The following GPCPD1 variants were observed in gnomAD, a reference collection of about 807,000 sequenced individuals.
GPCPD1 encodes glycerophosphocholine phosphodiesterase 1, also known as glycerophosphocholine phosphodiesterase GPCPD1.
Under a neutral mutation model 89.2 loss-of-function variants are expected in GPCPD1, and 29 were observed. The ratio of observed to expected loss-of-function variants is 0.33; its 90% confidence interval spans 0.24 to 0.44. GPCPD1 has a LOEUF of 0.44. Among genes scored for constraint, GPCPD1 ranks in the 20% least tolerant of loss-of-function variants. The probability of loss-of-function intolerance (pLI) is 1.00; values close to 1 mark genes in which losing one functional copy is unlikely to be tolerated. For missense variants in GPCPD1, 594 were observed against 808.9 expected (o/e 0.73, Z 3.22); for synonymous variants, 258 against 266.3 (o/e 0.97, Z 0.30).
intron 12 of GPCPD1, among the ~76,000 whole-genome samples, chr20:5,568,468 C>G (rs980650047): frequency 4.0e-5 from 6 of 151,750 alleles, no homozygotes; most frequent in Non-Finnish European, 7.4e-5. Context: ...AAGAAAAACA[C>G]CAGCTTAAAA....
Position 5,573,826 on chromosome 20 carries a change from T to G in GPCPD1, c.1056+89A>C, listed in dbSNP as rs939645837. The G allele has an allele frequency of 3.8e-6, 3 of 797,716 alleles. No individual in the cohort carries two copies. In the South Asian group the frequency reaches 4.1e-5, roughly 11 times the overall value. 49.4% of individuals were successfully genotyped at this position (797,716 alleles called of 1,614,324 possible). A position where few individuals can be genotyped will look rare whatever the true frequency, so the allele number is the denominator to read the frequency against. On this transcript the variant is annotated intron_variant, in intron 11 of 19. Coordinates refer to ENST00000379019, the MANE Select transcript of GPCPD1 (RefSeq NM_019593.5). Reference sequence around the variant, plus strand: ...ATCTGAATATAAATGCCAAGAGATATTCCCCTAACTATTAATAAAAACTGG... The same window carrying G: ...ATCTGAATATAAATGCCAAGAGATAGTCCCCTAACTATTAATAAAAACTGG...
chr20:5,576,346 G>A (rs1978288707), intron 8 of GPCPD1, among the ~76,000 whole-genome samples: 2 of 151,444 alleles, frequency 1.3e-5, no homozygotes, highest in South Asian at 4.2e-4. Context: ...CTTGAACCCG[G>A]GAGGTGGAGG....
intron 2 of GPCPD1, among the ~76,000 whole-genome samples, chr20:5,601,819 T>C (rs73075614): frequency 0.094 from 14,349 of 152,268 alleles, 1,137 homozygotes; most frequent in African/African-American, 0.21. Flanking sequence ...TTGCCTCTTA[T>C]AGGTGCTCCT....
intron 6 of GPCPD1, among the ~76,000 whole-genome samples, chr20:5,583,872 TAAC>T (rs1226465238): frequency 1.3e-5 from 2 of 152,218 alleles, no homozygotes; most frequent in Non-Finnish European, 2.9e-5. Context: ...TTTAATTATA[TAAC>T]ATCATATACC....
intron 2 of GPCPD1, among the ~76,000 whole-genome samples, chr20:5,599,227 AC>A (rs1251242506): frequency 2.2e-4 from 34 of 152,166 alleles, no homozygotes; most frequent in Non-Finnish European, 4.4e-4. Context: ...AGAAAGTCAA[AC>A]AGTAGCTACT....
At chr20:5,563,687 TA>T (rs1370073104) in intron 15 of GPCPD1, among the ~76,000 whole-genome samples, 2 of 152,156 alleles carry the variant, frequency 1.3e-5, no homozygotes, top group Non-Finnish European at 2.9e-5. Context: ...AATGATGTTT[TA>T]AATGCACTAG....
chr20:5,591,440 C>T (rs992940300), intron 4 of GPCPD1, among the ~76,000 whole-genome samples: 8 of 152,194 alleles, frequency 5.3e-5, no homozygotes, highest in African/African-American at 1.4e-4. Context: ...GGTCAACTGG[C>T]TTGTCCATAA....
intron 19 of GPCPD1, among the ~76,000 whole-genome samples, chr20:5,557,262 T>C (rs1985827842): frequency 6.6e-6 from 1 of 152,224 alleles, no homozygotes; most frequent in Non-Finnish European, 1.5e-5. Context: ...CTCTCACTAC[T>C]GTACTAAGAA....
At chr20:5,556,659 A>G (rs1252503546) in intron 19 of GPCPD1, among the ~76,000 whole-genome samples, 2 of 152,196 alleles carry the variant, frequency 1.3e-5, no homozygotes, top group Non-Finnish European at 2.9e-5. Flanking sequence ...CTAACCCCAA[A>G]TATCTTTATA....
chr20:5,557,599 G>T (rs1016649484), intron 19 of GPCPD1, among the ~76,000 whole-genome samples: 2 of 149,224 alleles, frequency 1.3e-5, no homozygotes, highest in Non-Finnish European at 2.9e-5. Flanking sequence ...TTGGAGATAC[G>T]TAAGTGTGAG....
chr20:5,596,341 G>A (rs999390357), intron 3 of GPCPD1, among the ~76,000 whole-genome samples: 3 of 152,058 alleles, frequency 2.0e-5, no homozygotes, highest in Non-Finnish European at 2.9e-5. Flanking sequence ...AGAGTGAACC[G>A]AAATCGTGTC....
chr20:5,550,283 C>CAAAAAAAA (rs11476159), intron 19 of GPCPD1, among the ~76,000 whole-genome samples: 86 of 75,992 alleles, frequency 1.1e-3, no homozygotes, highest in Non-Finnish European at 1.6e-3. Flanking sequence ...TCAAATGAAG[C>CAAAAAAAA]AAAAAAAAAA....
At chr20:5,553,975 T>TGGAAGATGCCCA in intron 19 of GPCPD1, among the ~76,000 whole-genome samples, 1 of 88,780 alleles carries the variant, frequency 1.1e-5, no homozygotes, top group Non-Finnish European at 2.3e-5. Context: ...AGATTTTCTT[T>TGGAAGATGCCCA]TCTTTTTTTT....
intron 19 of GPCPD1, chr20:5,549,556 A>T: frequency 1.2e-6 from 1 of 854,432 alleles, no homozygotes; most frequent in Middle Eastern, 3.9e-4. Flanking sequence ...TTGGAGCTGA[A>T]TCAAAGCCTC....
intron 10 of GPCPD1, 193 bp from the exon 11 acceptor site, chr20:5,574,162 T>G: frequency 3.5e-6 from 2 of 579,158 alleles, no homozygotes; most frequent in African/African-American, 1.9e-5. Context: ...CTGACAATGA[T>G]AGATATTTAC....
chr20:5,554,667 G>A (rs1023061329), intron 19 of GPCPD1, among the ~76,000 whole-genome samples: 1 of 152,214 alleles, frequency 6.6e-6, no homozygotes, highest in African/African-American at 2.4e-5. Context: ...AACTCTAACA[G>A]AGATTGCTGC....
chr20:5,560,584 C>A (rs546131407), intron 16 of GPCPD1, among the ~76,000 whole-genome samples: 95 of 152,276 alleles, frequency 6.2e-4, no homozygotes, highest in African/African-American at 2.3e-3. Flanking sequence ...TATTGACATT[C>A]AAATGTTAAA....
intron 5 of GPCPD1, chr20:5,585,548 TTGTA>T (rs1338287583): frequency 6.6e-6 from 1 of 151,600 alleles, no homozygotes; most frequent in African/African-American, 2.4e-5. Context: ...TCAAAAATAC[TTGTA>T]TGAAGAGAAA....
intron 4 of GPCPD1, among the ~76,000 whole-genome samples, chr20:5,589,117 A>C (rs985651565): frequency 1.3e-5 from 2 of 152,210 alleles, no homozygotes; most frequent in African/African-American, 4.8e-5. Context: ...ATATTTGAGG[A>C]ACAGTCCAAA....
Sources: allele counts gnomAD v4.1 joint callset (sites outside exome capture counted in the v4.1 genomes callset), GRCh38; gene constraint gnomAD v4.1.1; transcripts MANE v1.5; gene names NCBI Gene and HGNC (gene_info 2026-07-23, HGNC 2026-07-21).